Variants in OR5AS1 observed in about 807,000 individuals in gnomAD.
OR5AS1 encodes olfactory receptor 5AS1.
For missense variants in OR5AS1, 492 were observed against 378.2 expected (o/e 1.30, Z -2.50); for synonymous variants, 196 against 141.7 (o/e 1.38, Z -2.72).
chr11:56,030,705 G>A lies in OR5AS1; in HGVS notation c.287G>A (p.Gly96Glu), dbSNP rs1291549525. ...LASRKSISPY[G>E]CALQMFFFAS... ...TCCAGGAAAAGCATCTCTCCTTATG[G>A]GTGTGCACTACAAATGTTTTTCTTC... Residue 96 changes from glycine (G) to glutamate (E), a missense_variant, in exon 2 of 2, where the codon GGG becomes GAG. Transcript: ENST00000641320. The A allele has an allele frequency of 1.2e-6, 2 of 1,609,230 alleles. No homozygotes were observed. The highest frequency in any genetic ancestry group is 1.7e-4 in the Middle Eastern group (1 of 6,022).
chr11:56,028,771 T>C (rs1363976626), intron 1 of OR5AS1, among the ~76,000 whole-genome samples: 1 of 152,050 alleles, frequency 6.6e-6, no homozygotes, highest in Non-Finnish European at 1.5e-5. Flanking sequence ...TAACTTGTTT[T>C]TGGATATAAT....
chr11:56,033,437 GGA>G lies in OR5AS1; in HGVS notation c.*2046_*2047del, dbSNP rs1853371955. ...TGACCTGGGATGCTCGAGCTTGGTT[GGA>G]GGAGGAGAGTCCGCCATTGCTGAGG... On this transcript the variant is annotated 3_prime_UTR_variant, in exon 2 of 2. Transcript: ENST00000641320. 1 of 152,288 alleles carries G rather than the reference GGA, an allele frequency of 6.6e-6. No homozygotes were observed. The highest frequency in any genetic ancestry group is 1.5e-5 in the Non-Finnish European group (1 of 68,156). 9.4% of individuals were successfully genotyped at this position (152,288 alleles called of 1,614,324 possible). A position where few individuals can be genotyped will look rare whatever the true frequency, so the allele number is the denominator to read the frequency against.
In OR5AS1 at chr11:56,036,274, C is replaced by A. The variant is rs1007225901; in HGVS notation, c.*4881C>A. On this transcript the variant is annotated 3_prime_UTR_variant, in exon 2 of 2. Coordinates refer to ENST00000641320, the MANE Select transcript of OR5AS1 (RefSeq NM_001001921.2). ...AAAAGCCTCAGAAGACAAGAAATAA[C>A]TAAGATCAGAGCAGAACTGAAGGAG... 2.0e-5 allele frequency: 3 copies of A among 151,920 alleles called. No homozygotes were observed. Among genetic ancestry groups the A allele is most frequent in the African/African-American group, 7.3e-5 (3 of 41,320 alleles). The allele number at this position is 151,920 out of a possible 1,614,324, so 9.4% of individuals were successfully genotyped here. A position where few individuals can be genotyped will look rare whatever the true frequency, so the allele number is the denominator to read the frequency against.
chr11:56,030,997 G>A lies in OR5AS1; in HGVS notation c.579G>A (p.Gln193=), dbSNP rs1242747269. ...TGGCTTTATCATGTACAGACACTCAGATCAACCAGCTTCTGCTCTTTGCTT... is the reference window on the plus strand; with the variant it reads ...TGGCTTTATCATGTACAGACACTCAAATCAACCAGCTTCTGCTCTTTGCTT... ...PLLALSCTDT[Q]INQLLLFALC... Residue 193 remains glutamine, a synonymous_variant, in exon 2 of 2, where the codon CAG becomes CAA. Transcript: ENST00000641320. 1.2e-6 allele frequency: 2 copies of A among 1,614,138 alleles called. No individual in the cohort carries two copies. Among genetic ancestry groups the A allele is most frequent in the African/African-American group, 1.3e-5 (1 of 74,996 alleles).
rs748578793 is a variant in OR5AS1 at position 56,030,661 on chromosome 11, G to A, written c.243G>A (p.Met81Ile). 6.3e-7 allele frequency: 1 copy of A among 1,582,328 alleles called. No individual in the cohort carries two copies. The highest frequency in any genetic ancestry group is 8.6e-7 in the Non-Finnish European group (1 of 1,163,058). Residue 81 changes from methionine (M) to isoleucine (I), a missense_variant, in exon 2 of 2, where the codon ATG becomes ATA. Met to Ile is a conservative substitution (Grantham distance 10). Coordinates refer to ENST00000641320, the MANE Select transcript of OR5AS1 (RefSeq NM_001001921.2). Reference sequence around the variant, plus strand: ...GTTCTACAGCAATCACTCCTAAAATGCTGGCAAACTTCTTGGCATCCAGGA... The same window carrying A: ...GTTCTACAGCAATCACTCCTAAAATACTGGCAAACTTCTTGGCATCCAGGA... Reference protein sequence around the residue: ...ISCSTAITPKMLANFLASRKS... With the variant: ...ISCSTAITPKILANFLASRKS...
At position 56,030,895 on chromosome 11, in the gene OR5AS1, T is replaced by C. The variant is rs754195429; in HGVS notation, c.477T>C (p.His159=). Residue 159 remains histidine, a synonymous_variant, in exon 2 of 2, where the codon CAT becomes CAC. Transcript: ENST00000641320. ...YFSGSTTSLV[H]VCLTFRLSFC... ...GTGGAAGTACAACATCACTGGTCCA[T>C]GTGTGCCTCACATTCAGGCTGTCAT... 12 of 1,614,016 alleles carry C rather than the reference T, an allele frequency of 7.4e-6. No homozygotes were observed. Among genetic ancestry groups the C allele is most frequent in the Non-Finnish European group, 9.3e-6 (11 of 1,180,014 alleles).
Sources: gnomAD v4.1 joint callset for allele counts (sites outside exome capture counted in the v4.1 genomes callset) on GRCh38, gnomAD v4.1.1 for gene constraint, MANE v1.5 for transcripts, NCBI Gene and HGNC (gene_info 2026-07-23, HGNC 2026-07-21) for gene names.